Variants in IL1RAPL1 observed in about 807,000 individuals in gnomAD.
IL1RAPL1 encodes the protein interleukin-1 receptor accessory protein-like 1.
In IL1RAPL1, 3 loss-of-function variants were observed where a neutral mutation model predicts 48.4. The ratio of observed to expected loss-of-function variants is 0.06; its 90% CI spans 0.03 to 0.16. The LOEUF is 0.16. Among genes scored for constraint, IL1RAPL1 ranks in the 10% least tolerant of loss-of-function variants. IL1RAPL1 has a pLI of 1.00. For synonymous variants in IL1RAPL1, 185 were observed against 187.7 expected (o/e 0.99, Z 0.12); for missense variants, 349 against 530.6 (o/e 0.66, Z 3.36).
At chrX:29,569,358 C>T (rs1003165849) in intron 5 of IL1RAPL1, among the ~76,000 whole-genome samples, 3 of 110,935 alleles carry the variant, frequency 2.7e-5, no homozygotes, top group East Asian at 5.6e-4. Flanking sequence ...CTCAGAGAGC[C>T]TGAGAAACTT....
chrX:28,981,057 C>T (rs1476483490), intron 2 of IL1RAPL1, among the ~76,000 whole-genome samples: 3 of 84,288 alleles, frequency 3.6e-5, no homozygotes, highest in Admixed American at 1.7e-4. Flanking sequence ...TGCCACTGCA[C>T]TCCAGCCTGA....
chrX:29,847,884 GT>G (rs1481296548), intron 6 of IL1RAPL1, among the ~76,000 whole-genome samples: 1 of 111,597 alleles, frequency 9.0e-6, no homozygotes, highest in Non-Finnish European at 1.9e-5. Context: ...AAATTAAAAT[GT>G]TTTAGAAAAT....
chrX:29,256,957 G>A (rs778021143), intron 2 of IL1RAPL1, among the ~76,000 whole-genome samples: 58 of 111,285 alleles, frequency 5.2e-4, no homozygotes, highest in African/African-American at 1.8e-3. Flanking sequence ...ATTTGAATTT[G>A]TGTATTTGAA....
chrX:29,940,655 A>T (rs1325235287), intron 8 of IL1RAPL1, among the ~76,000 whole-genome samples: 3 of 111,870 alleles, frequency 2.7e-5, no homozygotes, highest in African/African-American at 9.8e-5. Context: ...TTACTATTTA[A>T]ATACCAATAT....
intron 6 of IL1RAPL1, among the ~76,000 whole-genome samples, chrX:29,842,891 T>C (rs1267568108): frequency 9.0e-6 from 1 of 111,645 alleles, no homozygotes; most frequent in Non-Finnish European, 1.9e-5. Context: ...AGCTGTGGAG[T>C]TGTGCTTTTG....
At chrX:29,115,000 T>G (rs775950505) in intron 2 of IL1RAPL1, among the ~76,000 whole-genome samples, 1 of 112,067 alleles carries the variant, frequency 8.9e-6, no homozygotes, top group South Asian at 3.7e-4. Flanking sequence ...TACGAATTTT[T>G]AAAATTATTC....
chrX:28,845,186 G>A (rs967393050), intron 2 of IL1RAPL1, among the ~76,000 whole-genome samples: 2 of 111,247 alleles, frequency 1.8e-5, no homozygotes, highest in African/African-American at 3.3e-5. Flanking sequence ...GAATGATGTA[G>A]GGTCTTGTTT....
At chrX:28,776,469 C>T (rs187635923) in intron 1 of IL1RAPL1, among the ~76,000 whole-genome samples, 3 of 111,774 alleles carry the variant, frequency 2.7e-5, no homozygotes, top group African/African-American at 9.7e-5. Context: ...TAGCCAATAC[C>T]TAGTTGAAAG....
At chrX:29,321,959 G>A (rs775283318) in intron 3 of IL1RAPL1, among the ~76,000 whole-genome samples, 15 of 110,013 alleles carry the variant, frequency 1.4e-4, no homozygotes, top group African/African-American at 5.0e-4. Flanking sequence ...AGTTTCTGAA[G>A]TATATTCTCT....
chrX:29,949,756 A>G (rs1933281422), intron 9 of IL1RAPL1, among the ~76,000 whole-genome samples: 1 of 112,243 alleles, frequency 8.9e-6, no homozygotes, highest in Non-Finnish European at 1.9e-5. Flanking sequence ...CACCAGTCAC[A>G]TGAAGTTCAT....
chrX:28,803,435 A>C (rs1007467188), intron 2 of IL1RAPL1, among the ~76,000 whole-genome samples: 27 of 111,767 alleles, frequency 2.4e-4, no homozygotes, highest in African/African-American at 8.4e-4. Context: ...TCATCAGGCA[A>C]AGTTACCTTG....
chrX:29,163,793 A>G (rs1929732521), intron 2 of IL1RAPL1, among the ~76,000 whole-genome samples: 1 of 112,091 alleles, frequency 8.9e-6, no homozygotes, highest in African/African-American at 3.2e-5. Context: ...GAATTTTCAT[A>G]TATTTAAATA....
rs765489520 is a variant in IL1RAPL1, at chrX:29,131,274, G to GTATATA, written c.83-151652_83-151647dup. On this transcript the variant is annotated intron_variant, in intron 2 of 10. Coordinates refer to ENST00000378993, the MANE Select transcript of IL1RAPL1 (RefSeq NM_014271.4). ...CTAGTTTATATGCCTGTGTGTGTGTGTATATATATATATATATGCTGGCAA... is the reference window on the plus strand; with the variant it reads ...CTAGTTTATATGCCTGTGTGTGTGTGTATATATATATATATATATATATGCTGGCAA... Among the ~76,000 whole-genome samples, 1,010 of 103,907 alleles carry GTATATA rather than the reference G, an allele frequency of 9.7e-3. 5 individuals are homozygous for GTATATA. Among genetic ancestry groups the GTATATA allele is most frequent in the Non-Finnish European group, 0.014 (689 of 50,541 alleles). The allele number at this position is 103,907 out of a possible 115,157, so 90.2% of individuals were successfully genotyped here. A position where few individuals can be genotyped will look rare whatever the true frequency, so the allele number is the denominator to read the frequency against.
chrX:29,114,902 A>ACC (rs2147472914), intron 2 of IL1RAPL1, among the ~76,000 whole-genome samples: 1 of 111,837 alleles, frequency 8.9e-6, no homozygotes, highest in Admixed American at 9.6e-5. Context: ...TGCTGGGATT[A>ACC]GAAGCATGAG....
At chrX:29,600,344 G>T (rs774595783) in intron 5 of IL1RAPL1, among the ~76,000 whole-genome samples, 2 of 112,035 alleles carry the variant, frequency 1.8e-5, no homozygotes, top group South Asian at 7.5e-4. Context: ...TGGTACTGGG[G>T]AGTGTCTGCA....
intron 2 of IL1RAPL1, among the ~76,000 whole-genome samples, chrX:28,943,208 A>C (rs896483135): frequency 1.8e-5 from 2 of 109,543 alleles, no homozygotes; most frequent in Non-Finnish European, 3.8e-5. Context: ...AAAAAAAAAA[A>C]AAAAACTCAT....
At chrX:29,918,813 C>T (rs192089526) in intron 7 of IL1RAPL1, among the ~76,000 whole-genome samples, 5 of 112,071 alleles carry the variant, frequency 4.5e-5, no homozygotes, top group East Asian at 5.6e-4. Context: ...AATTATAATT[C>T]ATTCAATGCT....
At chrX:29,508,872 C>T in intron 5 of IL1RAPL1, among the ~76,000 whole-genome samples, 1 of 112,049 alleles carries the variant, frequency 8.9e-6, no homozygotes, top group Non-Finnish European at 1.9e-5. Context: ...ATTAGTCTTA[C>T]CACTTTTTTA....
intron 5 of IL1RAPL1, among the ~76,000 whole-genome samples, chrX:29,551,517 G>T (rs1602292542): frequency 9.0e-6 from 1 of 111,460 alleles, no homozygotes; most frequent in Non-Finnish European, 1.9e-5. Flanking sequence ...CTGTTAATCC[G>T]TTAGGGTATC....
Sources: gnomAD v4.1 joint callset for allele counts (sites outside exome capture counted in the v4.1 genomes callset) on GRCh38, gnomAD v4.1.1 for gene constraint, MANE v1.5 for transcripts, NCBI Gene and HGNC (gene_info 2026-07-23, HGNC 2026-07-21) for gene names.